Variants in PCSK2 observed in about 807,000 individuals in gnomAD.
PCSK2 encodes proprotein convertase subtilisin/kexin type 2.
A neutral mutation model predicts 69.7 loss-of-function variants in PCSK2; 14 were observed. The ratio of observed to expected loss-of-function variants is 0.20; its 90% CI spans 0.13 to 0.31. PCSK2 has a LOEUF of 0.31. Among genes scored for constraint, PCSK2 ranks in the 10% least tolerant of loss-of-function variants. PCSK2 has a pLI of 1.00. For synonymous variants in PCSK2, 307 were observed against 320.7 expected (o/e 0.96, Z 0.46); for missense variants, 544 against 842.5 (o/e 0.65, Z 4.39).
intron 2 of PCSK2, among the ~76,000 whole-genome samples, chr20:17,321,425 T>C (rs1989864286): frequency 6.6e-6 from 1 of 152,222 alleles, no homozygotes; most frequent in South Asian, 2.1e-4. Context: ...TTCTACTTAA[T>C]CAATTTATGT....
chr20:17,393,105 G>T (rs982956244), intron 5 of PCSK2, among the ~76,000 whole-genome samples: 1 of 152,096 alleles, frequency 6.6e-6, no homozygotes, highest in African/African-American at 2.4e-5. Flanking sequence ...GCTATGATAG[G>T]CGTTGTGTAG....
intron 2 of PCSK2, among the ~76,000 whole-genome samples, chr20:17,292,202 C>T (rs1988721049): frequency 1.3e-5 from 2 of 151,998 alleles, no homozygotes; most frequent in South Asian, 4.1e-4. Flanking sequence ...TACATATTAC[C>T]TGCATTTCTT....
chr20:17,462,221 A>T (rs1345255312), intron 10 of PCSK2, among the ~76,000 whole-genome samples: 2 of 152,122 alleles, frequency 1.3e-5, no homozygotes, highest in African/African-American at 4.8e-5. Context: ...CATACTGAAA[A>T]TACTAAATGT....
At chr20:17,231,278 T>C (rs1986135441) in intron 1 of PCSK2, among the ~76,000 whole-genome samples, 10 of 152,224 alleles carry the variant, frequency 6.6e-5, no homozygotes. Flanking sequence ...AACCTAATAA[T>C]CATTATGCTG....
At chr20:17,378,308 A>G (rs1349901179) in intron 5 of PCSK2, among the ~76,000 whole-genome samples, 1 of 152,190 alleles carries the variant, frequency 6.6e-6, no homozygotes, top group Non-Finnish European at 1.5e-5. Context: ...TAGAAGCTTC[A>G]TCAATACGAT....
At chr20:17,309,416 A>G (rs1989430869) in intron 2 of PCSK2, among the ~76,000 whole-genome samples, 1 of 152,236 alleles carries the variant, frequency 6.6e-6, no homozygotes, top group African/African-American at 2.4e-5. Flanking sequence ...GCAATGAATA[A>G]AAATATATAT....
intron 10 of PCSK2, 55 bp downstream of exon 10, chr20:17,456,503 T>A: frequency 1.1e-6 from 1 of 933,088 alleles, no homozygotes; most frequent in African/African-American, 1.6e-5. Context: ...CTAACACGTG[T>A]CTCTCTGCCC....
chr20:17,473,087 CTTTTTT>C (rs10648323), intron 11 of PCSK2, among the ~76,000 whole-genome samples: 853 of 76,810 alleles, frequency 0.011, 12 homozygotes, highest in African/African-American at 0.043. Context: ...AAGAAGAACT[CTTTTTT>C]TTTTTTTTTT....
At chr20:17,267,640 C>T (rs188315654) in intron 2 of PCSK2, among the ~76,000 whole-genome samples, 3 of 152,036 alleles carry the variant, frequency 2.0e-5, no homozygotes, top group Non-Finnish European at 4.4e-5. Flanking sequence ...ATGAGTAAGC[C>T]TGGTTTTTTT....
In PCSK2 at chr20:17,409,348, G is replaced by A; in HGVS notation, c.620+9G>A. On this transcript the variant is annotated intron_variant, in intron 6 of 11. Transcript: ENST00000262545. Reference sequence around the variant, plus strand: ...GATGACTGGTTTAACAGGTAAACTGGGCCTTGGGAGGTCTCTTTGACTTTA... The same window carrying A: ...GATGACTGGTTTAACAGGTAAACTGAGCCTTGGGAGGTCTCTTTGACTTTA... 6.3e-7 allele frequency: 1 copy of A among 1,589,914 alleles called. No homozygotes were observed. Among genetic ancestry groups the A allele is most frequent in the South Asian group, 1.1e-5 (1 of 90,606 alleles).
Position 17,465,415 on chromosome 20 carries a change from G to A in PCSK2, c.1292G>A (p.Arg431His), listed in dbSNP as rs567308071. 35 of 1,613,968 alleles carry A rather than the reference G, an allele frequency of 2.2e-5. No homozygotes were observed. The highest frequency in any genetic ancestry group is 4.5e-5 in the East Asian group (2 of 44,886). The change falls in exon 11 of 12, where the codon CGC becomes CAC. Residue 431 changes from arginine to histidine, a missense_variant. By Grantham distance (29) the Arg-to-His change is conservative. Around this residue, in one of 3 missense-constraint regions of PCSK2, gnomAD observed 200 missense variants for 287.8 expected, o/e 0.69. Transcript: ENST00000262545. ...CACGACGAGGTCCATCAGTGGCGGC[G>A]CAATGGGGTCGGCCTGGAATTTAAT... Reference protein sequence around the residue: ...QLHDEVHQWRRNGVGLEFNHL... With the variant: ...QLHDEVHQWRHNGVGLEFNHL...
At chr20:17,325,576 C>T (rs566948650) in intron 2 of PCSK2, among the ~76,000 whole-genome samples, 14 of 152,206 alleles carry the variant, frequency 9.2e-5, no homozygotes, top group Non-Finnish European at 2.1e-4. Context: ...ACTATTGCTA[C>T]GTAACAAATG....
intron 2 of PCSK2, among the ~76,000 whole-genome samples, chr20:17,345,190 G>C (rs1990617597): frequency 6.6e-6 from 1 of 152,132 alleles, no homozygotes; most frequent in South Asian, 2.1e-4. Flanking sequence ...TGGGTCATTG[G>C]AGGCTTTCTT....
chr20:17,340,243 T>C (rs1234581972), intron 2 of PCSK2, among the ~76,000 whole-genome samples: 1 of 152,240 alleles, frequency 6.6e-6, no homozygotes, highest in African/African-American at 2.4e-5. Context: ...TCCCATTTGA[T>C]AGCAGTAGCA....
intron 2 of PCSK2, among the ~76,000 whole-genome samples, chr20:17,334,250 G>A (rs1000932938): frequency 2.0e-4 from 31 of 151,994 alleles, no homozygotes; most frequent in African/African-American, 7.0e-4. Context: ...TAGGAATAAC[G>A]CCTCTCACTA....
chr20:17,237,264 T>G (rs1209814012), intron 1 of PCSK2, among the ~76,000 whole-genome samples: 1 of 152,120 alleles, frequency 6.6e-6, no homozygotes, highest in Non-Finnish European at 1.5e-5. Context: ...ATGAAGTTCA[T>G]GGAAGTGAAT....
At chr20:17,419,720 T>A (rs1020445560) in intron 6 of PCSK2, among the ~76,000 whole-genome samples, 25 of 152,230 alleles carry the variant, frequency 1.6e-4, no homozygotes, top group African/African-American at 5.8e-4. Flanking sequence ...TTGTCAATAA[T>A]CTTGCAGCCC....
chr20:17,399,392 T>A (rs2123285602), intron 5 of PCSK2, among the ~76,000 whole-genome samples: 1 of 152,370 alleles, frequency 6.6e-6, no homozygotes, highest in African/African-American at 2.4e-5. Flanking sequence ...ATTGACTTAC[T>A]TTTTAACATA....
At chr20:17,303,547 GATATA>G (rs1255412456) in intron 2 of PCSK2, among the ~76,000 whole-genome samples, 1 of 32,330 alleles carries the variant, frequency 3.1e-5, no homozygotes, top group Non-Finnish European at 6.1e-5. Context: ...TATATAATAT[GATATA>G]ATATATATTA....
Sources: gnomAD v4.1 joint callset for allele counts (sites outside exome capture counted in the v4.1 genomes callset) on GRCh38, gnomAD v4.1.1 for gene constraint, gnomAD v4.1.1 regional missense constraint, MANE v1.5 for transcripts, NCBI Gene and HGNC (gene_info 2026-07-23, HGNC 2026-07-21) for gene names.